NAT1: variants seen among roughly 807,000 people sequenced by gnomAD.
NAT1 encodes the protein arylamine N-acetyltransferase 1.
For synonymous variants in NAT1, 144 were observed against 122.6 expected (o/e 1.17, Z -1.16); for missense variants, 400 against 339.2 (o/e 1.18, Z -1.41).
At chr8:18,219,864 G>T (rs1205407895) in intron 2 of NAT1, among the ~76,000 whole-genome samples, 4 of 152,076 alleles carry the variant, frequency 2.6e-5, no homozygotes, top group African/African-American at 7.2e-5. Flanking sequence ...AAACAGAAAA[G>T]GAGGGGAAGG....
At chr8:18,216,315 G>A (rs990218346) in intron 1 of NAT1, among the ~76,000 whole-genome samples, 10 of 152,164 alleles carry the variant, frequency 6.6e-5, no homozygotes, top group African/African-American at 2.4e-4. Context: ...GCCCTGAGTA[G>A]GTTAAATATC....
intron 2 of NAT1, among the ~76,000 whole-genome samples, chr8:18,186,405 C>T (rs1471876045): frequency 6.6e-6 from 1 of 152,098 alleles, no homozygotes; most frequent in African/African-American, 2.4e-5. Flanking sequence ...TGTAGGTACA[C>T]CATCTTTCTT....
intron 2 of NAT1, among the ~76,000 whole-genome samples, chr8:18,184,132 G>C (rs62494027): frequency 6.6e-6 from 1 of 152,058 alleles, no homozygotes; most frequent in African/African-American, 2.4e-5. Flanking sequence ...ACAAGTCTCT[G>C]CCTGGGCCCC....
chr8:18,173,319 C>T (rs1802168348), intron 2 of NAT1, among the ~76,000 whole-genome samples: 1 of 152,194 alleles, frequency 6.6e-6, no homozygotes, highest in Admixed American at 6.5e-5. Context: ...TTCATACTAT[C>T]TAGCATTTTC....
chr8:18,190,845 T>C (rs1310567146), intron 2 of NAT1, among the ~76,000 whole-genome samples: 1 of 152,162 alleles, frequency 6.6e-6, no homozygotes, highest in Non-Finnish European at 1.5e-5. Flanking sequence ...GGTGGGTGGA[T>C]AACCTGAGAT....
Position 18,217,480 on chromosome 8 carries a change from C to T in NAT1, c.-85-1931C>T, listed in dbSNP as rs28359505. ...AGGAGAAGGTCATCCACATACTGAA[C>T]GAGTGTTGAGCCCTGGGGAAAAATT... On this transcript the variant is annotated intron_variant, in intron 1 of 2. Coordinates refer to ENST00000307719, the MANE Select transcript of NAT1 (RefSeq NM_000662.8). 7.5e-3 allele frequency among the ~76,000 whole-genome samples: 1,136 copies of T among 152,292 alleles called. 14 individuals carry two copies. Among genetic ancestry groups the T allele is most frequent in the African/African-American group, 0.025 (1,059 of 41,554 alleles).
At chr8:18,191,275 A>G (rs1473616528) in intron 2 of NAT1, among the ~76,000 whole-genome samples, 1 of 152,184 alleles carries the variant, frequency 6.6e-6, no homozygotes, top group Non-Finnish European at 1.5e-5. Flanking sequence ...GAAGAACACA[A>G]CAAAATAATA....
At chr8:18,186,435 T>C (rs1197785658) in intron 2 of NAT1, among the ~76,000 whole-genome samples, 1 of 152,226 alleles carries the variant, frequency 6.6e-6, no homozygotes, top group African/African-American at 2.4e-5. Context: ...TTGTTGTTAA[T>C]GTTTTCACTC....
chr8:18,178,705 T>C (rs1258872482), intron 2 of NAT1, among the ~76,000 whole-genome samples: 1 of 152,160 alleles, frequency 6.6e-6, no homozygotes, highest in African/African-American at 2.4e-5. Flanking sequence ...TCATATTCCT[T>C]TGAGAGAGGA....
chr8:18,213,646 C>CTGTA (rs1331835306), intron 1 of NAT1, among the ~76,000 whole-genome samples: 1 of 152,120 alleles, frequency 6.6e-6, no homozygotes, highest in Non-Finnish European at 1.5e-5. Flanking sequence ...ATTGAGCCAC[C>CTGTA]TGTAGTCTGG....
intron 1 of NAT1, among the ~76,000 whole-genome samples, chr8:18,216,264 T>A (rs1037189601): frequency 3.9e-5 from 6 of 152,196 alleles, no homozygotes; most frequent in African/African-American, 1.4e-4. Context: ...TTAGAGTAGC[T>A]TCTAACAGCG....
chr8:18,184,776 C>T (rs1802666811), intron 2 of NAT1, among the ~76,000 whole-genome samples: 1 of 152,132 alleles, frequency 6.6e-6, no homozygotes. Context: ...CAAGAGTGGG[C>T]TTTCTCTCTT....
At chr8:18,174,103 G>A (rs571618644) in intron 2 of NAT1, among the ~76,000 whole-genome samples, 1 of 152,212 alleles carries the variant, frequency 6.6e-6, no homozygotes, top group African/African-American at 2.4e-5. Flanking sequence ...ACTAAGAAGA[G>A]AGAAAAAGAT....
At chr8:18,213,637 T>C (rs1455610906) in intron 1 of NAT1, among the ~76,000 whole-genome samples, 2 of 152,156 alleles carry the variant, frequency 1.3e-5, no homozygotes, top group Non-Finnish European at 2.9e-5. Flanking sequence ...CAGCAGAGCA[T>C]TGAGCCACCT....
At chr8:18,189,433 T>C (rs1342284864) in intron 2 of NAT1, among the ~76,000 whole-genome samples, 5 of 152,044 alleles carry the variant, frequency 3.3e-5, no homozygotes, top group Admixed American at 2.6e-4. Flanking sequence ...GGGAGGCATA[T>C]CAGATAACAG....
At chr8:18,199,893 T>C (rs1002588914) in intron 2 of NAT1, among the ~76,000 whole-genome samples, 1 of 152,120 alleles carries the variant, frequency 6.6e-6, no homozygotes, top group Non-Finnish European at 1.5e-5. Flanking sequence ...GACATACACA[T>C]GGCCAACAAG....
intron 2 of NAT1, among the ~76,000 whole-genome samples, chr8:18,174,969 G>A (rs73201977): frequency 1.6e-3 from 249 of 152,168 alleles, no homozygotes; most frequent in Non-Finnish European, 2.9e-3. Flanking sequence ...TATGTACAAC[G>A]CTGTGTTGAT....
At chr8:18,214,610 C>T (rs548964683) in intron 1 of NAT1, among the ~76,000 whole-genome samples, 80 of 151,558 alleles carry the variant, frequency 5.3e-4, no homozygotes, top group Middle Eastern at 3.4e-3. Context: ...CATGTTGTAT[C>T]GAACTTTCCC....
In NAT1 at chr8:18,222,278, G is replaced by T. The variant is rs766818967; in HGVS notation, c.231G>T (p.Trp77Cys). Residue 77 changes from tryptophan to cysteine, a missense_variant, in exon 3 of 3, where the codon TGG (tryptophan) becomes TGT (cysteine). Transcript: ENST00000307719. Reference protein sequence around the residue: ...WCLQVNHLLYWALTTIGFETT... With the variant: ...WCLQVNHLLYCALTTIGFETT... ...TCCAGGTCAATCATCTTCTGTACTG[G>T]GCTCTGACCACTATTGGTTTTGAGA... The T allele has an allele frequency of 5.0e-6, 8 of 1,613,914 alleles. No homozygotes were observed. The highest frequency in any genetic ancestry group is 6.8e-6 in the Non-Finnish European group (8 of 1,180,008).
Sources: gnomAD v4.1 joint callset for allele counts (sites outside exome capture counted in the v4.1 genomes callset) on GRCh38, gnomAD v4.1.1 for gene constraint, MANE v1.5 for transcripts, NCBI Gene and HGNC (gene_info 2026-07-23, HGNC 2026-07-21) for gene names.